Variants in NALCN observed in about 807,000 individuals in gnomAD.
The protein encoded by NALCN is sodium leak channel NALCN.
Under a neutral mutation model 225.3 loss-of-function variants are expected in NALCN, and 111 were observed. The ratio of observed to expected loss-of-function variants is 0.49; its 90% CI spans 0.42 to 0.58. The LOEUF is 0.58. Ranked by LOEUF, NALCN falls within the 20% of genes least tolerant of loss-of-function variation. The probability of loss-of-function intolerance (pLI) is 0.00; values close to 1 mark genes in which losing one functional copy is unlikely to be tolerated. For synonymous variants in NALCN, 764 were observed against 769.0 expected, an observed-to-expected ratio of 0.99 and a Z score of 0.11; for missense variants, 1,378 against 2,202.4, an observed-to-expected ratio of 0.63 and a Z score of 7.49.
intron 6 of NALCN, among the ~76,000 whole-genome samples, chr13:101,346,911 G>A (rs1014724106): frequency 2.0e-5 from 3 of 152,212 alleles, no homozygotes; most frequent in African/African-American, 4.8e-5. Flanking sequence ...CTACATCAAT[G>A]TTTCTAGGAA....
chr13:101,258,337 A>T (rs1210909737), intron 11 of NALCN, 106 bp downstream of exon 11: 17 of 1,458,604 alleles, frequency 1.2e-5, no homozygotes, highest in Non-Finnish European at 1.5e-5. Flanking sequence ...CTTTGGTGAA[A>T]GTCAAGTAAT....
chr13:101,214,662 C>A (rs2040661087), intron 13 of NALCN, among the ~76,000 whole-genome samples: 1 of 152,056 alleles, frequency 6.6e-6, no homozygotes, highest in Non-Finnish European at 1.5e-5. Context: ...TAGCTTGAAT[C>A]AAGAAAAGTC....
chr13:101,314,541 C>T (rs1333414411), intron 7 of NALCN, among the ~76,000 whole-genome samples: 1 of 152,132 alleles, frequency 6.6e-6, no homozygotes, highest in Non-Finnish European at 1.5e-5. Flanking sequence ...AATTCTCTAT[C>T]TCTAGTAAAA....
intron 18 of NALCN, among the ~76,000 whole-genome samples, chr13:101,117,740 A>G (rs2035784587): frequency 6.6e-6 from 1 of 152,158 alleles, no homozygotes; most frequent in Non-Finnish European, 1.5e-5. Context: ...GTCTGGATGT[A>G]CCACAGTTTG....
At chr13:101,203,675 ATTTCC>A (rs1429251874) in intron 13 of NALCN, among the ~76,000 whole-genome samples, 1 of 152,194 alleles carries the variant, frequency 6.6e-6, no homozygotes, top group Non-Finnish European at 1.5e-5. Context: ...CAAAGACATT[ATTTCC>A]TTTCATCTTT....
chr13:101,232,742 G>A (rs570985264), intron 12 of NALCN, among the ~76,000 whole-genome samples: 41 of 152,064 alleles, frequency 2.7e-4, no homozygotes, highest in African/African-American at 7.5e-4. Context: ...CACTGCACCC[G>A]GCCATCCTGC....
chr13:101,405,369 G>C (rs1487121062), intron 1 of NALCN, among the ~76,000 whole-genome samples: 1 of 152,072 alleles, frequency 6.6e-6, no homozygotes, highest in Non-Finnish European at 1.5e-5. Flanking sequence ...CCATATTTTT[G>C]TCTTATTATC....
chr13:101,360,642 G>T (rs570716799), intron 6 of NALCN, among the ~76,000 whole-genome samples: 1 of 152,274 alleles, frequency 6.6e-6, no homozygotes, highest in South Asian at 2.1e-4. Flanking sequence ...CAATGCCCCT[G>T]ACGACTCCAA....
intron 13 of NALCN, among the ~76,000 whole-genome samples, chr13:101,218,660 C>T (rs2140101218): frequency 6.6e-6 from 1 of 152,274 alleles, no homozygotes; most frequent in African/African-American, 2.4e-5. Flanking sequence ...GTTCTCATGA[C>T]ACTGAGTGAG....
intron 27 of NALCN, among the ~76,000 whole-genome samples, chr13:101,097,633 A>G (rs1262340706): frequency 2.0e-5 from 3 of 152,168 alleles, no homozygotes; most frequent in African/African-American, 7.2e-5. Flanking sequence ...AGGAATGGAT[A>G]TCCTCATTAG....
intron 12 of NALCN, among the ~76,000 whole-genome samples, chr13:101,237,173 A>G (rs905333456): frequency 1.3e-5 from 2 of 151,912 alleles, no homozygotes; most frequent in African/African-American, 2.4e-5. Flanking sequence ...GATCCAATAT[A>G]TCACATTTAA....
intron 14 of NALCN, chr13:101,181,176 G>T (rs759129942): frequency 1.9e-6 from 1 of 518,738 alleles, no homozygotes; most frequent in African/African-American, 1.9e-5. Flanking sequence ...GACTGATTTT[G>T]GAAAAGAGCT....
rs1360680 is a variant in NALCN, at chr13:101,323,344, T to C, written c.799+21922A>G. Among the ~76,000 whole-genome samples, 737 of 152,300 alleles carry C rather than the reference T, an allele frequency of 4.8e-3. 8 individuals carry two copies. The highest frequency in any genetic ancestry group is 0.017 in the African/African-American group (703 of 41,562). ...TAAATGTCTCAGCATTGTCAAGATT[T>C]GCCAAACAAATTACAAATTTTACGG... On this transcript the variant is annotated intron_variant, in intron 7 of 43. Coordinates refer to ENST00000251127, the MANE Select transcript of NALCN (RefSeq NM_052867.4).
intron 14 of NALCN, among the ~76,000 whole-genome samples, chr13:101,189,564 G>A (rs1016386266): frequency 6.6e-6 from 1 of 152,198 alleles, no homozygotes; most frequent in Non-Finnish European, 1.5e-5. Context: ...GATCAGGGAA[G>A]TTATGTGAGT....
chr13:101,132,991 C>G (rs1337599561), intron 17 of NALCN, among the ~76,000 whole-genome samples: 1 of 152,174 alleles, frequency 6.6e-6, no homozygotes, highest in East Asian at 1.9e-4. Flanking sequence ...AATACATTTC[C>G]TAACTCATTA....
chr13:101,301,741 G>GAAAA (rs35848778), intron 7 of NALCN, among the ~76,000 whole-genome samples: 5 of 144,524 alleles, frequency 3.5e-5, no homozygotes, highest in Non-Finnish European at 7.5e-5. Context: ...GACAAGACAA[G>GAAAA]AAAAAAAAAA....
At chr13:101,347,236 A>C (rs900093667) in intron 6 of NALCN, among the ~76,000 whole-genome samples, 3 of 151,986 alleles carry the variant, frequency 2.0e-5, no homozygotes, top group Non-Finnish European at 4.4e-5. Flanking sequence ...CCCATGATTC[A>C]AACACCCTAA....
chr13:101,240,212 G>T (rs924437071), intron 11 of NALCN, among the ~76,000 whole-genome samples: 3 of 151,734 alleles, frequency 2.0e-5, no homozygotes, highest in African/African-American at 2.4e-5. Flanking sequence ...ATATAAAATA[G>T]AACTTTAAGA....
At chr13:101,272,155 T>G (rs550178033) in intron 10 of NALCN, among the ~76,000 whole-genome samples, 3 of 152,242 alleles carry the variant, frequency 2.0e-5, no homozygotes, top group Non-Finnish European at 4.4e-5. Context: ...TGAGCATGTG[T>G]GAGCCTGTAT....
Sources: allele counts gnomAD v4.1 joint callset (sites outside exome capture counted in the v4.1 genomes callset), GRCh38; gene constraint gnomAD v4.1.1; transcripts MANE v1.5; gene names NCBI Gene and HGNC (gene_info 2026-07-23, HGNC 2026-07-21).